Variants in GRM8 observed in about 807,000 individuals in gnomAD.
The protein encoded by GRM8 is metabotropic glutamate receptor 8.
Under a neutral mutation model 87.2 loss-of-function variants are expected in GRM8, and 47 were observed. That is an observed-to-expected ratio of 0.54 (90% CI 0.43 to 0.69). The LOEUF (loss-of-function observed/expected upper bound fraction) is 0.69. Among genes scored for constraint, GRM8 ranks in the 30% least tolerant of loss-of-function variants. The pLI, the probability that GRM8 is intolerant of heterozygous loss-of-function variation, is 0.00. For synonymous variants in GRM8, 396 were observed against 404.5 expected, an observed-to-expected ratio of 0.98 and a Z score of 0.25; for missense variants, 1,019 against 1,139.2, an observed-to-expected ratio of 0.89 and a Z score of 1.52.
At chr7:127,214,116 T>A (rs1796378144) in intron 2 of GRM8, among the ~76,000 whole-genome samples, 2 of 152,198 alleles carry the variant, frequency 1.3e-5, no homozygotes, top group Non-Finnish European at 2.9e-5. Flanking sequence ...AATCCATGAA[T>A]AAAATCTTTT....
intron 7 of GRM8, among the ~76,000 whole-genome samples, chr7:126,708,413 G>A (rs1810764347): frequency 6.6e-6 from 1 of 151,960 alleles, no homozygotes; most frequent in Admixed American, 6.6e-5. Flanking sequence ...TTATTAAATA[G>A]ATATCTGCAC....
At chr7:127,148,647 T>A (rs1241202879) in intron 2 of GRM8, among the ~76,000 whole-genome samples, 1 of 152,022 alleles carries the variant, frequency 6.6e-6, no homozygotes, top group Non-Finnish European at 1.5e-5. Context: ...CACAGTGGTA[T>A]GAAACTAGAA....
intron 9 of GRM8, among the ~76,000 whole-genome samples, chr7:126,493,881 G>A (rs1373579380): frequency 6.6e-6 from 1 of 152,016 alleles, no homozygotes; most frequent in East Asian, 1.9e-4. Flanking sequence ...CACTAGGAAT[G>A]CGTAACTCAG....
intron 6 of GRM8, among the ~76,000 whole-genome samples, chr7:126,795,231 A>AG (rs762579783): frequency 1.1e-4 from 16 of 152,118 alleles, no homozygotes; most frequent in Non-Finnish European, 2.4e-4. Context: ...AAAGATATCG[A>AG]AAGATATGAC....
At chr7:126,891,563 A>C (rs958121144) in intron 6 of GRM8, among the ~76,000 whole-genome samples, 3 of 151,942 alleles carry the variant, frequency 2.0e-5, no homozygotes, top group African/African-American at 7.2e-5. Context: ...TAGTCTCTAC[A>C]ACTGCCATCC....
At chr7:126,905,332 C>G (rs1227897733) in intron 3 of GRM8, among the ~76,000 whole-genome samples, 1 of 152,110 alleles carries the variant, frequency 6.6e-6, no homozygotes, top group Non-Finnish European at 1.5e-5. Context: ...AAAGACAGAA[C>G]CCTTCTTTTG....
intron 7 of GRM8, among the ~76,000 whole-genome samples, chr7:126,646,636 T>C (rs1231932757): frequency 2.7e-5 from 2 of 74,506 alleles, no homozygotes; most frequent in Non-Finnish European, 7.8e-5. Context: ...CAGGCTTAGG[T>C]AAGTCTGAAT....
intron 2 of GRM8, among the ~76,000 whole-genome samples, chr7:127,210,363 C>T (rs1796143193): frequency 1.3e-5 from 2 of 152,136 alleles, no homozygotes; most frequent in African/African-American, 4.8e-5. Flanking sequence ...TCCCAAGCCC[C>T]TTATGAGCTG....
intron 2 of GRM8, among the ~76,000 whole-genome samples, chr7:127,235,897 ATC>A (rs1293790661): frequency 6.6e-6 from 1 of 152,230 alleles, no homozygotes; most frequent in African/African-American, 2.4e-5. Context: ...TAAATCACAT[ATC>A]TGTTAATAAA....
chr7:127,086,392 G>T (rs549210305), intron 3 of GRM8, among the ~76,000 whole-genome samples: 10 of 152,186 alleles, frequency 6.6e-5, no homozygotes, highest in African/African-American at 1.9e-4. Flanking sequence ...GAGCCACTGC[G>T]CCTGGCCCAG....
At chr7:126,755,179 T>C (rs1816867460) in intron 7 of GRM8, among the ~76,000 whole-genome samples, 1 of 152,034 alleles carries the variant, frequency 6.6e-6, no homozygotes, top group South Asian at 2.1e-4. Context: ...CCTATGCACA[T>C]AGACTGTTTA....
intron 1 of GRM8, among the ~76,000 whole-genome samples, chr7:127,246,136 TTA>T: frequency 6.6e-6 from 1 of 152,328 alleles, no homozygotes; most frequent in South Asian, 2.1e-4. Flanking sequence ...GCCAGAAGGT[TTA>T]GTTTCCCCTT....
chr7:127,115,029 C>T (rs921388406), intron 2 of GRM8, among the ~76,000 whole-genome samples: 7 of 152,036 alleles, frequency 4.6e-5, no homozygotes, highest in East Asian at 1.9e-4. Flanking sequence ...GAGTCATGAA[C>T]GGAAGCCACC....
At position 126,540,488 on chromosome 7, in the gene GRM8, T is replaced by C. The variant is rs142215014; in HGVS notation, c.1495-6601A>G. 7.9e-4 allele frequency among the ~76,000 whole-genome samples: 121 copies of C among 152,240 alleles called. 1 individual carries two copies. Among genetic ancestry groups the C allele is most frequent in the Middle Eastern group, 3.4e-3 (1 of 294 alleles). Reference sequence around the variant, plus strand: ...ATATGTTCCCACAAAAATTTGTGTATAAATGTTCATAACAGGATTATTCAT... The same window carrying C: ...ATATGTTCCCACAAAAATTTGTGTACAAATGTTCATAACAGGATTATTCAT... On this transcript the variant is annotated intron_variant, in intron 8 of 10. Transcript: ENST00000339582.
chr7:126,965,110 A>C (rs2131716620), intron 3 of GRM8, among the ~76,000 whole-genome samples: 1 of 152,336 alleles, frequency 6.6e-6, no homozygotes, highest in South Asian at 2.1e-4. Context: ...TAGAACAATG[A>C]GAACACATGG....
intron 3 of GRM8, 62 bp downstream of exon 3, chr7:127,106,434 G>A (rs1825808280): frequency 1.5e-6 from 2 of 1,292,884 alleles, no homozygotes; most frequent in Admixed American, 3.5e-5. Flanking sequence ...AGCACTTGGA[G>A]ATGCTCAGGC....
chr7:126,513,756 G>A (rs1250954245), intron 9 of GRM8, among the ~76,000 whole-genome samples: 1 of 152,068 alleles, frequency 6.6e-6, no homozygotes, highest in African/African-American at 2.4e-5. Context: ...CTGAGAACAT[G>A]GGTAGTAAGA....
At chr7:127,051,454 G>A (rs1819462243) in intron 3 of GRM8, among the ~76,000 whole-genome samples, 1 of 152,062 alleles carries the variant, frequency 6.6e-6, no homozygotes, top group Non-Finnish European at 1.5e-5. Context: ...GCTGCCAGAG[G>A]CTTGCCCCAG....
intron 8 of GRM8, among the ~76,000 whole-genome samples, chr7:126,557,824 A>T (rs1354668312): frequency 6.6e-6 from 1 of 152,168 alleles, no homozygotes; most frequent in African/African-American, 2.4e-5. Context: ...ATATGTATGT[A>T]TATTATATAT....
Sources: gnomAD v4.1 joint callset for allele counts (sites outside exome capture counted in the v4.1 genomes callset) on GRCh38, gnomAD v4.1.1 for gene constraint, MANE v1.5 for transcripts, NCBI Gene and HGNC (gene_info 2026-07-23, HGNC 2026-07-21) for gene names.